The following DNER variants were observed in gnomAD, a reference collection of about 807,000 sequenced individuals.
DNER encodes delta and Notch-like epidermal growth factor-related receptor.
A neutral mutation model predicts 78.2 loss-of-function variants in DNER; 33 were observed. The ratio of observed to expected loss-of-function variants is 0.42; its 90% CI spans 0.32 to 0.56. The LOEUF (loss-of-function observed/expected upper bound fraction) is 0.56, where lower values mean the gene tolerates loss of function less well. Among genes scored for constraint, DNER ranks in the 20% least tolerant of loss-of-function variants. DNER has a pLI of 0.11. For missense variants in DNER, 918 were observed against 975.3 expected, an observed-to-expected ratio of 0.94 and a Z score of 0.78; for synonymous variants, 417 against 384.8, an observed-to-expected ratio of 1.08 and a Z score of -0.98.
chr2:229,367,805 G>A (rs1052684691), intron 11 of DNER, among the ~76,000 whole-genome samples: 13 of 152,230 alleles, frequency 8.5e-5, no homozygotes, highest in South Asian at 4.1e-4. Flanking sequence ...ATACATAACC[G>A]TTTCATTTAC....
chr2:229,656,368 G>A (rs749686605), intron 1 of DNER, among the ~76,000 whole-genome samples: 1 of 152,050 alleles, frequency 6.6e-6, no homozygotes, highest in African/African-American at 2.4e-5. Context: ...CTAAAAAGGT[G>A]AGCAGCAAAA....
intron 3 of DNER, chr2:229,586,910 T>C: frequency 1.0e-6 from 1 of 985,474 alleles, no homozygotes; most frequent in Non-Finnish European, 1.2e-6. Flanking sequence ...GATCAGTGAC[T>C]AAATTCATGA....
At chr2:229,440,252 T>G (rs1694203533) in intron 8 of DNER, among the ~76,000 whole-genome samples, 1 of 152,130 alleles carries the variant, frequency 6.6e-6, no homozygotes, top group Admixed American at 6.5e-5. Context: ...CCCCCACAAC[T>G]TACAATCAAA....
chr2:229,570,356 G>T (rs1697192958), intron 4 of DNER, among the ~76,000 whole-genome samples: 1 of 152,204 alleles, frequency 6.6e-6, no homozygotes, highest in Non-Finnish European at 1.5e-5. Flanking sequence ...AAGTGGGCCA[G>T]GTGTGGTGGC....
rs879441364 is a variant in DNER, at chr2:229,529,196, C to CT, written c.994-16261dup. Among the ~76,000 whole-genome samples the CT allele has an allele frequency of 4.5e-4, 66 of 146,938 alleles. No homozygotes were observed. In the South Asian group the frequency reaches 4.6e-3, roughly 10 times the overall value. ...GATTCTAGATACCACAACATAATATCTTTTTTTTTTTAATCCCCAAATCTA... is the reference window on the plus strand; with the variant it reads ...GATTCTAGATACCACAACATAATATCTTTTTTTTTTTTAATCCCCAAATCTA... On this transcript the variant is annotated intron_variant, in intron 5 of 12. Transcript: ENST00000341772.
chr2:229,394,308 G>T (rs1693083960), intron 10 of DNER, among the ~76,000 whole-genome samples: 1 of 151,804 alleles, frequency 6.6e-6, no homozygotes, highest in African/African-American at 2.4e-5. Flanking sequence ...ATAAGCCTTG[G>T]GTCCGAAGGG....
chr2:229,483,063 C>A (rs1254454920), intron 6 of DNER, among the ~76,000 whole-genome samples: 2 of 151,996 alleles, frequency 1.3e-5, no homozygotes, highest in Non-Finnish European at 2.9e-5. Flanking sequence ...GAAATCAAGC[C>A]CATTGATGAG....
chr2:229,614,383 A>G (rs1698113424), intron 1 of DNER, among the ~76,000 whole-genome samples: 3 of 152,110 alleles, frequency 2.0e-5, no homozygotes, highest in African/African-American at 7.2e-5. Flanking sequence ...CATCAGAAAA[A>G]AACATGAAAC....
chr2:229,674,232 T>G lies in DNER; in HGVS notation c.276+39916A>C, dbSNP rs115953995. 5.1e-3 allele frequency among the ~76,000 whole-genome samples: 783 copies of G among 152,340 alleles called. 7 individuals are homozygous for G. The highest frequency in any genetic ancestry group is 0.017 in the African/African-American group (721 of 41,580). Reference sequence around the variant, plus strand: ...TAGCTCTTCTCGAATTATGCTAATTTGAAAGTGTCACCCATTTCTGGATGT... The same window carrying G: ...TAGCTCTTCTCGAATTATGCTAATTGGAAAGTGTCACCCATTTCTGGATGT... On this transcript the variant is annotated intron_variant, in intron 1 of 12. Transcript: ENST00000341772.
At chr2:229,395,160 T>G in intron 10 of DNER, among the ~76,000 whole-genome samples, 1 of 152,204 alleles carries the variant, frequency 6.6e-6, no homozygotes, top group East Asian at 1.9e-4. Flanking sequence ...GATTACTTTG[T>G]ACCATGAGAG....
At chr2:229,547,228 G>A in intron 4 of DNER, 136 bp from the exon 5 acceptor site, 1 of 1,234,026 alleles carries the variant, frequency 8.1e-7, no homozygotes, top group Non-Finnish European at 1.1e-6. Flanking sequence ...AAAACAAAAT[G>A]CAGTGAGGCA....
At position 229,401,755 on chromosome 2, in the gene DNER, G is replaced by T. The variant is rs527914117; in HGVS notation, c.1723+5477C>A. ...AATATGTTATCATTGGAGGAAACTG[G>T]GTGAAGCTTACATTGGATCTCTCTC... On this transcript the variant is annotated intron_variant, in intron 10 of 12. Coordinates refer to ENST00000341772, the MANE Select transcript of DNER (RefSeq NM_139072.4). Among the ~76,000 whole-genome samples, 128 of 152,220 alleles carry T rather than the reference G, an allele frequency of 8.4e-4. 1 individual carries two copies. The highest frequency in any genetic ancestry group is 1.3e-3 in the Non-Finnish European group (89 of 67,986).
intron 1 of DNER, among the ~76,000 whole-genome samples, chr2:229,635,739 G>T (rs1698520141): frequency 6.6e-6 from 1 of 152,090 alleles, no homozygotes; most frequent in Admixed American, 6.5e-5. Context: ...TAAATATGCT[G>T]GGAAATAATC....
intron 8 of DNER, among the ~76,000 whole-genome samples, chr2:229,421,786 G>T (rs140367343): frequency 6.6e-6 from 1 of 151,982 alleles, no homozygotes; most frequent in African/African-American, 2.4e-5. Flanking sequence ...ATCACCAGCA[G>T]CACCTTTTCA....
chr2:229,544,179 T>C (rs1696572969), intron 5 of DNER, among the ~76,000 whole-genome samples: 1 of 152,204 alleles, frequency 6.6e-6, no homozygotes, highest in South Asian at 2.1e-4. Flanking sequence ...TCCTTCACAT[T>C]TTTTTCCCAT....
At chr2:229,379,264 C>A (rs1019252854) in intron 11 of DNER, among the ~76,000 whole-genome samples, 2 of 152,132 alleles carry the variant, frequency 1.3e-5, no homozygotes, top group African/African-American at 4.8e-5. Flanking sequence ...GAAAGATCAA[C>A]CAGTATTTAT....
intron 12 of DNER, among the ~76,000 whole-genome samples, chr2:229,363,780 T>C (rs1383182480): frequency 6.6e-6 from 1 of 152,088 alleles, no homozygotes; most frequent in Admixed American, 6.5e-5. Context: ...TTAAACTATT[T>C]TGGGGCTGAG....
At chr2:229,517,945 C>T (rs1696013657) in intron 5 of DNER, among the ~76,000 whole-genome samples, 2 of 152,160 alleles carry the variant, frequency 1.3e-5, no homozygotes, top group Non-Finnish European at 2.9e-5. Context: ...AAAGATAGTT[C>T]TTGCGCCAGA....
At chr2:229,429,377 C>T (rs915147880) in intron 8 of DNER, among the ~76,000 whole-genome samples, 1 of 152,146 alleles carries the variant, frequency 6.6e-6, no homozygotes, top group Non-Finnish European at 1.5e-5. Flanking sequence ...CATTCATGGG[C>T]ACTTGTGGCA....
Sources: allele counts gnomAD v4.1 joint callset (sites outside exome capture counted in the v4.1 genomes callset), GRCh38; gene constraint gnomAD v4.1.1; transcripts MANE v1.5; gene names NCBI Gene and HGNC (gene_info 2026-07-23, HGNC 2026-07-21).